The following HEMK2 variants were observed in gnomAD, a reference collection of about 807,000 sequenced individuals.
HEMK2 encodes the protein methyltransferase HEMK2.
chr21:28,815,105 T>C, the HEMK2 span, among the ~76,000 whole-genome samples: 1 of 151,726 alleles, frequency 6.6e-6, no homozygotes, highest in Non-Finnish European at 1.5e-5. Context: ...CTGGAAACCA[T>C]CATTCTCAGC....
chr21:28,799,587 C>A, the HEMK2 span, among the ~76,000 whole-genome samples: 8 of 152,318 alleles, frequency 5.3e-5, no homozygotes, highest in African/African-American at 1.9e-4. Context: ...AGACAAAGAG[C>A]TCACAGTTTT....
the HEMK2 span, among the ~76,000 whole-genome samples, chr21:28,630,579 C>G: frequency 6.6e-6 from 1 of 151,738 alleles, no homozygotes; most frequent in Non-Finnish European, 1.5e-5. Context: ...CACATATACA[C>G]CATGGAATAC....
chr21:28,583,772 T>C, the HEMK2 span, among the ~76,000 whole-genome samples: 4 of 152,192 alleles, frequency 2.6e-5, no homozygotes, highest in Non-Finnish European at 4.4e-5. Context: ...ATTGTTATCA[T>C]AAACAACTGC....
the HEMK2 span, among the ~76,000 whole-genome samples, chr21:28,638,506 C>T: frequency 1.3e-5 from 2 of 152,112 alleles, no homozygotes; most frequent in South Asian, 2.1e-4. Flanking sequence ...AGCATTCTGC[C>T]GTTTTAAGCA....
At chr21:28,626,153 G>A in the HEMK2 span, among the ~76,000 whole-genome samples, 1 of 152,046 alleles carries the variant, frequency 6.6e-6, no homozygotes, top group Non-Finnish European at 1.5e-5. Flanking sequence ...GCATTAAATG[G>A]TGGACTTTTT....
chr21:28,688,771 T>C, the HEMK2 span, among the ~76,000 whole-genome samples: 1 of 152,148 alleles, frequency 6.6e-6, no homozygotes, highest in African/African-American at 2.4e-5. Context: ...TCCATTTTGT[T>C]TACTTTTATA....
chr21:28,778,665 C>T, the HEMK2 span, among the ~76,000 whole-genome samples: 7,156 of 152,220 alleles, frequency 0.047, 212 homozygotes, highest in Middle Eastern at 0.099. Flanking sequence ...GTTGCATTTT[C>T]CCAGTGGCTA....
At chr21:28,578,336 C>T in the HEMK2 span, among the ~76,000 whole-genome samples, 1 of 152,218 alleles carries the variant, frequency 6.6e-6, no homozygotes, top group African/African-American at 2.4e-5. Context: ...ATTCAGCTCT[C>T]CATAACAAGG....
At chr21:28,607,980 AAC>A in the HEMK2 span, among the ~76,000 whole-genome samples, 1 of 152,226 alleles carries the variant, frequency 6.6e-6, no homozygotes, top group African/African-American at 2.4e-5. Context: ...AACAATTTTG[AAC>A]AACTTTGCCC....
At chr21:28,858,137 A>G in the HEMK2 span, among the ~76,000 whole-genome samples, 13 of 152,296 alleles carry the variant, frequency 8.5e-5, no homozygotes, top group African/African-American at 3.1e-4. Flanking sequence ...TCAATTCTCA[A>G]TTTAAGCTGT....
the HEMK2 span, among the ~76,000 whole-genome samples, chr21:28,726,765 G>A: frequency 2.0e-5 from 3 of 151,818 alleles, no homozygotes; most frequent in South Asian, 2.1e-4. Flanking sequence ...AAAATTAGCC[G>A]GGAGTGGTGG....
At chr21:28,877,260 G>A in the HEMK2 span, among the ~76,000 whole-genome samples, 15 of 12,488 alleles carry the variant, frequency 1.2e-3, no homozygotes, top group Non-Finnish European at 2.5e-3. Context: ...GGAAGAGAAG[G>A]GAAGGAAGGA....
At chr21:28,802,740 T>TA in the HEMK2 span, among the ~76,000 whole-genome samples, 2 of 152,010 alleles carry the variant, frequency 1.3e-5, no homozygotes, top group Admixed American at 1.3e-4. Flanking sequence ...CGAAAACAAA[T>TA]AAAAAATTAA....
At chr21:28,615,488 G>T in the HEMK2 span, among the ~76,000 whole-genome samples, 1 of 151,564 alleles carries the variant, frequency 6.6e-6, no homozygotes, top group Non-Finnish European at 1.5e-5. Flanking sequence ...GAGGAATGTT[G>T]AGTCACAGAG....
the HEMK2 span, among the ~76,000 whole-genome samples, chr21:28,775,101 C>T: frequency 2.6e-5 from 4 of 152,292 alleles, no homozygotes; most frequent in East Asian, 7.7e-4. Context: ...TAATATTTTG[C>T]ATACTTGAAG....
At chr21:28,825,973 G>C in the HEMK2 span, among the ~76,000 whole-genome samples, 1 of 152,254 alleles carries the variant, frequency 6.6e-6, no homozygotes, top group Non-Finnish European at 1.5e-5. Context: ...TGGAAAACGA[G>C]GCAGAGAGCC....
chr21:28,834,542 C>T, the HEMK2 span, among the ~76,000 whole-genome samples: 445 of 152,276 alleles, frequency 2.9e-3, 9 homozygotes, highest in African/African-American at 9.6e-3. Context: ...CTGCCTGTCA[C>T]CACAGGGATC....
the HEMK2 span, among the ~76,000 whole-genome samples, chr21:28,680,080 A>G: frequency 2.0e-5 from 3 of 152,342 alleles, no homozygotes; most frequent in Admixed American, 1.3e-4. Flanking sequence ...TAGAGACATA[A>G]AAAACCCTTT....
At chr21:28,677,672 A>G in the HEMK2 span, among the ~76,000 whole-genome samples, 3 of 152,218 alleles carry the variant, frequency 2.0e-5, no homozygotes, top group African/African-American at 7.2e-5. Flanking sequence ...GACACCTCAC[A>G]CGGCTGGGTA....
Sources: allele counts gnomAD v4.1 joint callset (sites outside exome capture counted in the v4.1 genomes callset), GRCh38; gene constraint gnomAD v4.1.1; transcripts MANE v1.5; gene names NCBI Gene and HGNC (gene_info 2026-07-23, HGNC 2026-07-21).